BICC1: variants seen among roughly 807,000 people sequenced by gnomAD.
BICC1 encodes protein bicaudal C homolog 1.
In BICC1, 43 loss-of-function variants were observed where a neutral mutation model predicts 111.0. The observed-to-expected ratio is 0.39, with a 90% confidence interval of 0.30 to 0.50. BICC1 has a LOEUF of 0.50. Ranked by LOEUF, BICC1 falls within the 20% of genes least tolerant of loss-of-function variation. The pLI, the probability that BICC1 is intolerant of heterozygous loss-of-function variation, is 0.88. For missense variants in BICC1, 1,091 were observed against 1,203.2 expected, an observed-to-expected ratio of 0.91 and a Z score of 1.38; for synonymous variants, 467 against 434.4, an observed-to-expected ratio of 1.07 and a Z score of -0.93.
chr10:58,665,927 T>C (rs1050593848), intron 2 of BICC1, among the ~76,000 whole-genome samples: 2 of 152,216 alleles, frequency 1.3e-5, no homozygotes, highest in Admixed American at 6.5e-5. Context: ...TGTTTAAACA[T>C]GTATAGTCGG....
intron 2 of BICC1, chr10:58,650,763 C>T (rs1247389327): frequency 3.9e-5 from 6 of 152,104 alleles, no homozygotes; most frequent in Admixed American, 1.3e-4. Context: ...TTCATTCATT[C>T]CTCCTTGGCT....
intron 1 of BICC1, among the ~76,000 whole-genome samples, chr10:58,519,424 G>C (rs1273927429): frequency 6.6e-6 from 1 of 152,124 alleles, no homozygotes; most frequent in African/African-American, 2.4e-5. Flanking sequence ...CAGAATGGAT[G>C]CTGAATGTTT....
chr10:58,794,730 C>A (rs1467332600), intron 9 of BICC1, among the ~76,000 whole-genome samples: 1 of 152,086 alleles, frequency 6.6e-6, no homozygotes, highest in Admixed American at 6.5e-5. Context: ...CAGAATAAAT[C>A]TTTTATTAAG....
At chr10:58,633,979 T>TTTTTTTTTCTTTTC (rs1837874971) in intron 2 of BICC1, among the ~76,000 whole-genome samples, 6 of 146 alleles carry the variant, frequency 0.041, no homozygotes, top group Non-Finnish European at 0.23. Context: ...TTCTTTTTCT[T>TTTTTTTTTCTTTTC]TTTTTTTTTT....
chr10:58,675,436 C>T (rs1158680096), intron 2 of BICC1, among the ~76,000 whole-genome samples: 2 of 151,916 alleles, frequency 1.3e-5, no homozygotes, highest in African/African-American at 4.8e-5. Context: ...AATATTTAGC[C>T]ATAAAAGAGA....
chr10:58,543,995 G>A (rs916371984), intron 1 of BICC1, among the ~76,000 whole-genome samples: 47 of 152,174 alleles, frequency 3.1e-4, no homozygotes, highest in African/African-American at 1.0e-3. Flanking sequence ...GACACTTGAA[G>A]AGTCATAACT....
chr10:58,659,401 A>G (rs1251215283), intron 2 of BICC1, among the ~76,000 whole-genome samples: 2 of 152,224 alleles, frequency 1.3e-5, no homozygotes, highest in Non-Finnish European at 2.9e-5. Context: ...CTACACACCC[A>G]TAAAAAAAGA....
chr10:58,803,770 T>G (rs1295396531), intron 15 of BICC1, among the ~76,000 whole-genome samples: 1 of 152,220 alleles, frequency 6.6e-6, no homozygotes, highest in African/African-American at 2.4e-5. Context: ...TAAATAATTT[T>G]TATGATTAAA....
intron 14 of BICC1, among the ~76,000 whole-genome samples, chr10:58,801,552 C>G (rs1039402943): frequency 1.4e-4 from 21 of 145,466 alleles, no homozygotes; most frequent in African/African-American, 5.7e-4. Flanking sequence ...TTAAATATAA[C>G]TCTTCCTTAC....
intron 3 of BICC1, among the ~76,000 whole-genome samples, chr10:58,729,502 A>C (rs1334559940): frequency 6.6e-6 from 1 of 152,162 alleles, no homozygotes; most frequent in African/African-American, 2.4e-5. Context: ...CAGATCACTA[A>C]AACTTTCTTC....
chr10:58,652,946 G>A (rs1838497124), intron 2 of BICC1, among the ~76,000 whole-genome samples: 1 of 152,122 alleles, frequency 6.6e-6, no homozygotes, highest in Admixed American at 6.6e-5. Context: ...CTGTACACAT[G>A]GAGGCTGAGC....
chr10:58,591,933 A>G (rs1428959164), intron 1 of BICC1, among the ~76,000 whole-genome samples: 1 of 152,230 alleles, frequency 6.6e-6, no homozygotes, highest in Non-Finnish European at 1.5e-5. Context: ...GTGCTTAGCA[A>G]TGTTTCTCAA....
intron 2 of BICC1, among the ~76,000 whole-genome samples, chr10:58,672,885 G>A (rs12770994): frequency 0.047 from 7,081 of 152,276 alleles, 242 homozygotes; most frequent in Middle Eastern, 0.085. Context: ...GGAAAGTTTA[G>A]TGGTTTTTAA....
chr10:58,548,842 C>T (rs1843209970), intron 1 of BICC1, among the ~76,000 whole-genome samples: 1 of 151,746 alleles, frequency 6.6e-6, no homozygotes, highest in Non-Finnish European at 1.5e-5. Context: ...TCACATAGGC[C>T]CTTGTTTTTG....
chr10:58,514,985 G>A (rs1199031812), intron 1 of BICC1, among the ~76,000 whole-genome samples: 2 of 152,184 alleles, frequency 1.3e-5, no homozygotes, highest in Non-Finnish European at 2.9e-5. Flanking sequence ...AGAATGATCT[G>A]TTTCACCTGC....
intron 1 of BICC1, among the ~76,000 whole-genome samples, chr10:58,611,437 A>G (rs902351333): frequency 1.3e-5 from 2 of 151,564 alleles, no homozygotes; most frequent in African/African-American, 4.8e-5. Context: ...AGACTTTTAT[A>G]CAGAATTTAA....
Position 58,801,041 on chromosome 10 carries a change from C to T in BICC1, c.2010C>T (p.His670=), listed in dbSNP as rs377010255. 6.3e-7 allele frequency: 1 copy of T among 1,599,218 alleles called. No individual in the cohort carries two copies. The highest frequency in any genetic ancestry group is 8.5e-7 in the Non-Finnish European group (1 of 1,174,542). Residue 670 remains histidine, a synonymous_variant, in exon 14 of 21, where the codon CAC becomes CAT. Transcript: ENST00000373886. Reference sequence around the variant, plus strand: ...TATTGCAAGGCACGAAAAACTCACACTTACAGTATGTATTTTAATCTTTAA... The same window carrying T: ...TATTGCAAGGCACGAAAAACTCACATTTACAGTATGTATTTTAATCTTTAA... ...VELLQGTKNS[H]LHSTDRLLSD...
At chr10:58,814,615 T>C (rs1844025217) in intron 18 of BICC1, among the ~76,000 whole-genome samples, 1 of 92,506 alleles carries the variant, frequency 1.1e-5, no homozygotes, top group Non-Finnish European at 2.2e-5. Flanking sequence ...ATTTCATCTC[T>C]ACTAAAAAAA....
chr10:58,522,541 G>A (rs1247061933), intron 1 of BICC1, among the ~76,000 whole-genome samples: 1 of 152,082 alleles, frequency 6.6e-6, no homozygotes, highest in Non-Finnish European at 1.5e-5. Flanking sequence ...GAATCTCTGG[G>A]ATACATTCAA....
Sources: allele counts gnomAD v4.1 joint callset (sites outside exome capture counted in the v4.1 genomes callset), GRCh38; gene constraint gnomAD v4.1.1; transcripts MANE v1.5; gene names NCBI Gene and HGNC (gene_info 2026-07-23, HGNC 2026-07-21).